Variants in FAM184B observed in about 807,000 individuals in gnomAD.
FAM184B encodes the protein protein FAM184B.
FAM184B carries 111 observed loss-of-function variants against 135.9 expected under a neutral mutation model. The ratio of observed to expected loss-of-function variants is 0.82; its 90% CI spans 0.70 to 0.96. FAM184B has a LOEUF of 0.96. Among genes scored for constraint, FAM184B ranks in the 40% least tolerant of loss-of-function variants. The pLI is 0.00. For missense variants in FAM184B, 1,375 were observed against 1,323.9 expected (o/e 1.04, Z -0.60); for synonymous variants, 552 against 524.8 (o/e 1.05, Z -0.71).
At position 17,781,576 on chromosome 4, in the gene FAM184B, C is replaced by T; in HGVS notation, c.-277G>A. The T allele has an allele frequency of 2.6e-6, 1 of 391,334 alleles. No individual in the cohort carries two copies. The highest frequency in any genetic ancestry group is 4.6e-6 in the Non-Finnish European group (1 of 219,674). 24.2% of individuals were successfully genotyped at this position (391,334 alleles called of 1,614,324 possible). ...CGAGGCGTCGGCGCCCCGCACGTGCCGCTGGCGATCAGTCTGCAGTTCCCC... is the reference window on the plus strand; with the variant it reads ...CGAGGCGTCGGCGCCCCGCACGTGCTGCTGGCGATCAGTCTGCAGTTCCCC... On this transcript the variant is annotated 5_prime_UTR_variant, in exon 1 of 18. Transcript: ENST00000265018. The surrounding 1 kb of genome is among the most constrained non-coding windows in gnomAD (Gnocchi z 6.5).
chr4:17,633,139 C>A (rs935239333), intron 17 of FAM184B: 1 of 154,512 alleles, frequency 6.5e-6, no homozygotes, highest in African/African-American at 2.4e-5. Context: ...CCAGGCTGGT[C>A]TCGAACTCCT....
chr4:17,746,562 C>T (rs1427973169), intron 1 of FAM184B, among the ~76,000 whole-genome samples: 1 of 150,958 alleles, frequency 6.6e-6, no homozygotes, highest in Non-Finnish European at 1.5e-5. Context: ...GAAACTCCAT[C>T]TCTACTAAAA....
chr4:17,732,042 T>G (rs928031864), intron 1 of FAM184B, among the ~76,000 whole-genome samples: 6 of 152,040 alleles, frequency 3.9e-5, no homozygotes, highest in Admixed American at 3.9e-4. Context: ...CACTCAAAAC[T>G]GCTCAACTAC....
At chr4:17,668,422 T>C (rs145780306) in intron 7 of FAM184B, among the ~76,000 whole-genome samples, 2 of 152,254 alleles carry the variant, frequency 1.3e-5, no homozygotes, top group African/African-American at 4.8e-5. Context: ...CCTATTCAAC[T>C]GTTACTTCCT....
intron 1 of FAM184B, among the ~76,000 whole-genome samples, chr4:17,779,204 T>C (rs1007732686): frequency 6.6e-6 from 1 of 152,196 alleles, no homozygotes; most frequent in Non-Finnish European, 1.5e-5. Context: ...AATATATTAG[T>C]AATCGCAATA....
In FAM184B at chr4:17,632,569, G is replaced by T; in HGVS notation, c.3146C>A (p.Pro1049Gln). The change falls in exon 18 of 18, where the codon CCG (proline) becomes CAG (glutamine). Residue 1049 changes from proline (P) to glutamine (Q), a missense_variant. By Grantham distance (76) the Pro-to-Gln change is moderately conservative. Transcript: ENST00000265018. ...GTACTTGGTGAACCATTCCTGGTGC[G>T]GAGAGCCCTGTTTCTGCTGGACTTC... is the stretch of plus-strand genomic sequence containing the variant. Reference protein sequence around the residue: ...AKEVQQKQGSPHQEWFTKYFS... With the variant: ...AKEVQQKQGSQHQEWFTKYFS... 6.4e-7 allele frequency: 1 copy of T among 1,551,370 alleles called. No individual in the cohort carries two copies. Among genetic ancestry groups the T allele is most frequent in the South Asian group, 1.2e-5 (1 of 84,058 alleles).
intron 1 of FAM184B, among the ~76,000 whole-genome samples, chr4:17,763,405 A>AAC (rs148239054): frequency 0.07 from 10,586 of 150,834 alleles, 1,221 homozygotes; most frequent in African/African-American, 0.24. Flanking sequence ...CACACACACA[A>AAC]ACACACACAC....
intron 7 of FAM184B, among the ~76,000 whole-genome samples, chr4:17,681,280 A>G (rs1716426774): frequency 6.6e-6 from 1 of 152,194 alleles, no homozygotes; most frequent in South Asian, 2.1e-4. Context: ...CATTATGAGT[A>G]ATGAAGAAAC....
rs190195605 is a variant in FAM184B, at chr4:17,687,343, T to C, written c.1596+1081A>G. On this transcript the variant is annotated intron_variant, in intron 7 of 17. Coordinates refer to ENST00000265018, the MANE Select transcript of FAM184B (RefSeq NM_015688.2). ...GAAATTGAAGGCCGTGAGTTTTTTA[T>C]GGCTCTCTTGCTGCTGAAACAGGAA... 2.0e-5 allele frequency among the ~76,000 whole-genome samples: 3 copies of C among 152,314 alleles called. No individual in the cohort carries two copies. The East Asian group carries it at 5.8e-4, about 29-fold the overall frequency.
At position 17,688,486 on chromosome 4, in the gene FAM184B, T is replaced by C. The variant is rs778157696; in HGVS notation, c.1534A>G (p.Thr512Ala). The C allele has an allele frequency of 2.6e-6, 4 of 1,551,062 alleles. No homozygotes were observed. The highest frequency in any genetic ancestry group is 3.5e-6 in the Non-Finnish European group (4 of 1,146,888). Residue 512 changes from threonine (T) to alanine (A), a missense_variant, in exon 7 of 18, where the codon ACA becomes GCA. By Grantham distance (58) the Thr-to-Ala change is moderately conservative (BLOSUM62 0). Transcript: ENST00000265018. ...EFIQQNKTRP[T>A]GAEESPQELG... ...TCCTGGGGACTTTCCTCAGCTCCTG[T>C]GGGGCGTGTCTTATTTTGTTGGATA... is the stretch of plus-strand genomic sequence containing the variant.
At chr4:17,760,673 A>T (rs1261317162) in intron 1 of FAM184B, among the ~76,000 whole-genome samples, 1 of 152,108 alleles carries the variant, frequency 6.6e-6, no homozygotes, top group African/African-American at 2.4e-5. Flanking sequence ...CTTTGTGTGA[A>T]TTGTCCTTTT....
rs150226149 is a variant in FAM184B at position 17,715,373 on chromosome 4, G to T, written c.142-5729C>A. Among the ~76,000 whole-genome samples, 17 of 152,246 alleles carry T rather than the reference G, an allele frequency of 1.1e-4. 1 individual carries two copies. The East Asian group carries it at 3.1e-3, about 28-fold the overall frequency. ...ACCTGTAATCCCAGCTACTTGGGAGGCTGAGGCAGGAGAATCACTTGAACG... is the reference window on the plus strand; with the variant it reads ...ACCTGTAATCCCAGCTACTTGGGAGTCTGAGGCAGGAGAATCACTTGAACG... On this transcript the variant is annotated intron_variant, in intron 1 of 17. Coordinates refer to ENST00000265018, the MANE Select transcript of FAM184B (RefSeq NM_015688.2).
In FAM184B at chr4:17,658,180, A is replaced by T. The variant is rs532293240; in HGVS notation, c.2037+170T>A. 2.3e-3 allele frequency among the ~76,000 whole-genome samples: 350 copies of T among 152,328 alleles called. 4 individuals are homozygous for T. The highest frequency in any genetic ancestry group is 8.7e-4 in the Non-Finnish European group (59 of 68,022). Reference sequence around the variant, plus strand: ...AGCTGTGTGACCCTGAGCAAGTTGCAAAATCTCTCTGAGCCTCTTTCTTCA... The same window carrying T: ...AGCTGTGTGACCCTGAGCAAGTTGCTAAATCTCTCTGAGCCTCTTTCTTCA... On this transcript the variant is annotated intron_variant, in intron 10 of 17. Coordinates refer to ENST00000265018, the MANE Select transcript of FAM184B (RefSeq NM_015688.2).
At chr4:17,703,672 C>T (rs1280664359) in intron 5 of FAM184B, among the ~76,000 whole-genome samples, 5 of 152,150 alleles carry the variant, frequency 3.3e-5, no homozygotes, top group Non-Finnish European at 1.5e-5. Context: ...GTGGCTCACG[C>T]CTGTAATCCC....
At chr4:17,772,901 G>A (rs1435355798) in intron 1 of FAM184B, among the ~76,000 whole-genome samples, 1 of 152,212 alleles carries the variant, frequency 6.6e-6, no homozygotes, top group African/African-American at 2.4e-5. Flanking sequence ...ATCACTCCAG[G>A]AGCAAGAAGG....
At chr4:17,712,052 C>T (rs1717287243) in intron 1 of FAM184B, among the ~76,000 whole-genome samples, 2 of 152,192 alleles carry the variant, frequency 1.3e-5, no homozygotes, top group Non-Finnish European at 2.9e-5. Flanking sequence ...ACAGTTCTCT[C>T]TGCTTTGCTA....
chr4:17,644,079 C>T (rs1043903571), intron 12 of FAM184B, among the ~76,000 whole-genome samples: 9 of 152,118 alleles, frequency 5.9e-5, no homozygotes, highest in Admixed American at 1.3e-4. Context: ...AGGAGTGGCA[C>T]AGGCGAAGGC....
intron 3 of FAM184B, among the ~76,000 whole-genome samples, chr4:17,706,863 G>A (rs550153468): frequency 1.3e-5 from 2 of 151,904 alleles, no homozygotes; most frequent in South Asian, 4.2e-4. Flanking sequence ...TTGGCTCACT[G>A]CAACCTCTGC....
Position 17,781,331 on chromosome 4 carries a change from C to A in FAM184B, c.-32G>T, listed in dbSNP as rs961825986. 1.3e-6 allele frequency: 2 copies of A among 1,495,336 alleles called. No homozygotes were observed. Among genetic ancestry groups the A allele is most frequent in the Admixed American group, 2.2e-5 (1 of 44,894 alleles). The allele number at this position is 1,495,336 out of a possible 1,614,324, so 92.6% of individuals were successfully genotyped here. ...AACGCGCCCAGCACTCAGACTCTCT[C>A]GTTTTCTCCCTGCCCACCGTGTGCA... On this transcript the variant is annotated 5_prime_UTR_variant, in exon 1 of 18. Coordinates refer to ENST00000265018, the MANE Select transcript of FAM184B (RefSeq NM_015688.2). This position sits in a 1 kb window ranked among gnomAD's most constrained non-coding sequence, Gnocchi z 6.5.
Sources: gnomAD v4.1 joint callset for allele counts (sites outside exome capture counted in the v4.1 genomes callset) on GRCh38, gnomAD v4.1.1 for gene constraint, Gnocchi (gnomAD v3.1) non-coding constraint, MANE v1.5 for transcripts, NCBI Gene and HGNC (gene_info 2026-07-23, HGNC 2026-07-21) for gene names.